CHD7: variants seen among roughly 807,000 people sequenced by gnomAD.
The protein encoded by CHD7 is chromodomain helicase DNA binding protein 7, also known as ATP-dependent chromatin remodeler CHD7.
Under a neutral mutation model 307.3 loss-of-function variants are expected in CHD7, and 24 were observed. The ratio of observed to expected loss-of-function variants is 0.08; its 90% CI spans 0.06 to 0.11. The LOEUF (loss-of-function observed/expected upper bound fraction) is 0.11. CHD7 is among the 10% of genes least tolerant of loss of function. The probability of loss-of-function intolerance (pLI) is 1.00; values close to 1 mark genes in which losing one functional copy is unlikely to be tolerated. For synonymous variants in CHD7, 1,363 were observed against 1,349.9 expected (o/e 1.01, Z -0.21); for missense variants, 3,106 against 3,727.1 (o/e 0.83, Z 4.34).
At position 60,678,773 on chromosome 8, in the gene CHD7, GGCGGCGGCGGCGGCGGCA is replaced by G. The variant is rs1437617957; in HGVS notation, c.-466_-449del. 8.8e-4 allele frequency: 126 copies of G among 142,612 alleles called. 1 individual carries two copies. The highest frequency in any genetic ancestry group is 3.1e-3 in the South Asian group (16 of 5,244). 8.8% of individuals were successfully genotyped at this position (142,612 alleles called of 1,614,324 possible). ...GCTGGCGTGCTGGGGCCGCGGCGGC[GGCGGCGGCGGCGGCGGCA>G]GCGGCGGCGGCGGCGGCGGCGCGGG... On this transcript the variant is annotated 5_prime_UTR_variant, in exon 1 of 38. Transcript: ENST00000423902.
At position 60,741,834 on chromosome 8, in the gene CHD7, T is replaced by C; in HGVS notation, c.402T>C (p.His134=). Residue 134 remains histidine (H), a synonymous_variant, in exon 2 of 38, where the codon CAT becomes CAC. Coordinates refer to ENST00000423902, the MANE Select transcript of CHD7 (RefSeq NM_017780.4). The stretch of plus-strand genomic sequence containing the variant: ...ACCCTGGCATGCAGAATGAGAGGCA[T>C]GGGCAATCCTTTGTGGACAGCAGCT... ...GVYPGMQNER[H]GQSFVDSSSM... is the part of the protein sequence containing the mutation. The C allele has an allele frequency of 6.2e-7, 1 of 1,613,904 alleles. No individual in the cohort carries two copies. Among genetic ancestry groups the C allele is most frequent in the Non-Finnish European group, 8.5e-7 (1 of 1,179,852 alleles).
rs533287285 is a variant in CHD7, at chr8:60,780,832, A to AT, written c.1666-160dup. 2.2e-3 allele frequency among the ~76,000 whole-genome samples: 334 copies of AT among 152,132 alleles called. 1 individual carries two copies. The highest frequency in any genetic ancestry group is 0.015 in the Admixed American group (235 of 15,294). On this transcript the variant is annotated intron_variant, in intron 2 of 37. Coordinates refer to ENST00000423902, the MANE Select transcript of CHD7 (RefSeq NM_017780.4). ...TTAAAAGATTCTCTCTTAAACATAC[A>AT]TTTTTTTTGGATGAGAGAAGCTGAT...
chr8:60,734,519 G>T (rs1005272228), intron 1 of CHD7, among the ~76,000 whole-genome samples: 1 of 152,172 alleles, frequency 6.6e-6, no homozygotes, highest in African/African-American at 2.4e-5. Context: ...GAAGAGGGAG[G>T]GTTGAGGGTC....
rs1160854773 is a variant in CHD7, at chr8:60,678,984, A to G, written c.-273A>G. Reference sequence around the variant, plus strand: ...CCCCCGGCCAACTCCGTGCCCGTGGATTCAGCCCCCTGGCCGCAGCTGCCG... The same window carrying G: ...CCCCCGGCCAACTCCGTGCCCGTGGGTTCAGCCCCCTGGCCGCAGCTGCCG... On this transcript the variant is annotated 5_prime_UTR_variant, in exon 1 of 38. Coordinates refer to ENST00000423902, the MANE Select transcript of CHD7 (RefSeq NM_017780.4). 6.6e-6 allele frequency: 1 copy of G among 151,512 alleles called. No individual in the cohort carries two copies. Among genetic ancestry groups the G allele is most frequent in the Non-Finnish European group, 1.5e-5 (1 of 67,966 alleles). 9.4% of individuals were successfully genotyped at this position (151,512 alleles called of 1,614,324 possible).
At position 60,865,702 on chromosome 8, in the gene CHD7, C is replaced by G. The variant is rs1264986011; in HGVS notation, c.8763C>G (p.Phe2921Leu). The G allele has an allele frequency of 1.2e-6, 2 of 1,606,644 alleles. No individual in the cohort carries two copies. The highest frequency in any genetic ancestry group is 1.7e-6 in the Non-Finnish European group (2 of 1,175,048). The stretch of plus-strand genomic sequence containing the variant: ...TGGGGGGATTGACGCTGCCTGGGTT[C>G]CCAGCATTGGCAGGACTTCAGAATG... ...PGLGGLTLPG[F>L]PALAGLQNAV... is the part of the protein sequence containing the mutation. The change falls in exon 38 of 38, where the codon TTC becomes TTG. Residue 2921 changes from phenylalanine to leucine, a missense_variant. Physicochemically the swap from Phe to Leu is conservative, Grantham distance 22. Around this residue, in one of 10 missense-constraint regions of CHD7, gnomAD observed 351 missense variants for 366.2 expected, o/e 0.96. Coordinates refer to ENST00000423902, the MANE Select transcript of CHD7 (RefSeq NM_017780.4). The surrounding 1 kb of genome is among the most constrained non-coding windows in gnomAD (Gnocchi z 4.3).
chr8:60,680,424 G>T (rs1805556326), intron 1 of CHD7, among the ~76,000 whole-genome samples: 1 of 132,278 alleles, frequency 7.6e-6, no homozygotes, highest in African/African-American at 2.8e-5. Flanking sequence ...GGGCGGCGGC[G>T]GCGGCGGCTC....
At chr8:60,714,012 C>A (rs892315859) in intron 1 of CHD7, among the ~76,000 whole-genome samples, 1 of 152,064 alleles carries the variant, frequency 6.6e-6, no homozygotes, top group Non-Finnish European at 1.5e-5. Context: ...AGAAAAAAGG[C>A]ATGCCTTCAT....
chr8:60,834,759 A>G (rs1804667747), intron 15 of CHD7, among the ~76,000 whole-genome samples: 1 of 152,254 alleles, frequency 6.6e-6, no homozygotes, highest in South Asian at 2.1e-4. Flanking sequence ...TTAATAATTA[A>G]TAGGCTGTAT....
chr8:60,852,903 C>A lies in CHD7; in HGVS notation c.6178C>A (p.Leu2060Met). Reference sequence around the variant, plus strand: ...CTCTCGAACTCTGTACCGCATTGAGCTGCTACGGAAGATCCGCGAGCAGGT... The same window carrying A: ...CTCTCGAACTCTGTACCGCATTGAGATGCTACGGAAGATCCGCGAGCAGGT... ...RASRTLYRIELLRKIREQVLH... is the reference protein window; with the variant it reads ...RASRTLYRIEMLRKIREQVLH... The change falls in exon 31 of 38, where the codon CTG becomes ATG. Residue 2060 changes from leucine to methionine, a missense_variant. By Grantham distance (15) the Leu-to-Met change is conservative. This residue lies in a region of CHD7 where 1,030 missense variants were observed against 1,165.4 expected (regional missense o/e 0.88). Transcript: ENST00000423902. 6.2e-7 allele frequency: 1 copy of A among 1,613,980 alleles called. No individual in the cohort carries two copies. Among genetic ancestry groups the A allele is most frequent in the Non-Finnish European group, 8.5e-7 (1 of 1,179,900 alleles).
chr8:60,686,655 C>T (rs955219506), intron 1 of CHD7, among the ~76,000 whole-genome samples: 2 of 152,138 alleles, frequency 1.3e-5, no homozygotes, highest in Non-Finnish European at 2.9e-5. Context: ...GCAGGGACCG[C>T]GTGCGACCTG....
At position 60,838,795 on chromosome 8, in the gene CHD7, C is replaced by T. The variant is rs1804847743; in HGVS notation, c.4533+540C>T. On this transcript the variant is annotated intron_variant, in intron 19 of 37. Transcript: ENST00000423902. ...GTTCCCTGCCTCTCTATCAGAGCTGCTCTGGCCAGGGTCACCACTGAGTAC... is the reference window on the plus strand; with the variant it reads ...GTTCCCTGCCTCTCTATCAGAGCTGTTCTGGCCAGGGTCACCACTGAGTAC... Among the ~76,000 whole-genome samples, 3 of 152,372 alleles carry T rather than the reference C, an allele frequency of 2.0e-5. No homozygotes were observed. In the South Asian group the frequency reaches 6.2e-4, roughly 32 times the overall value.
rs773098389 is a variant in CHD7, at chr8:60,742,179, G to A, written c.747G>A (p.Leu249=). The A allele has an allele frequency of 1.2e-6, 2 of 1,613,882 alleles. No individual in the cohort carries two copies. Among genetic ancestry groups the A allele is most frequent in the Admixed American group, 3.3e-5 (2 of 60,024 alleles). ...PQQSPSMAPS[L]RHSVQQFHHH... ...AGAGTCCCAGCATGGCACCTTCCTT[G>A]CGTCACTCGGTGCAGCAGTTCCATC... is the stretch of plus-strand genomic sequence containing the variant. The change falls in exon 2 of 38, where the codon TTG becomes TTA. Residue 249 remains leucine, a synonymous_variant. Coordinates refer to ENST00000423902, the MANE Select transcript of CHD7 (RefSeq NM_017780.4).
rs778764485 is a variant in CHD7 at position 60,842,044 on chromosome 8, T to C, written c.4842T>C (p.Leu1614=). ...SECFRVEKNL[L]VYGWGRWTDI... is the part of the protein sequence containing the mutation. The stretch of plus-strand genomic sequence containing the variant: ...GTTTCAGGGTGGAGAAGAATCTGCT[T>C]GTCTATGGGTAAGTAGGACTCACTA... The change falls in exon 21 of 38, where the codon CTT becomes CTC. Residue 1614 remains leucine (L), a synonymous_variant. Coordinates refer to ENST00000423902, the MANE Select transcript of CHD7 (RefSeq NM_017780.4). 1 of 1,612,586 alleles carries C rather than the reference T, an allele frequency of 6.2e-7. No individual in the cohort carries two copies. Among genetic ancestry groups the C allele is most frequent in the East Asian group, 2.2e-5 (1 of 44,862 alleles).
chr8:60,762,148 A>G (rs1414721137), intron 2 of CHD7, among the ~76,000 whole-genome samples: 1 of 152,136 alleles, frequency 6.6e-6, no homozygotes, highest in Non-Finnish European at 1.5e-5. Flanking sequence ...AGGTCCTCTC[A>G]GTAAAGTCCT....
At chr8:60,746,044 A>G (rs886249116) in intron 2 of CHD7, among the ~76,000 whole-genome samples, 1 of 151,942 alleles carries the variant, frequency 6.6e-6, no homozygotes, top group Non-Finnish European at 1.5e-5. Context: ...TTATTTATTT[A>G]TTATTTTTTG....
At chr8:60,733,779 T>G (rs1404489202) in intron 1 of CHD7, among the ~76,000 whole-genome samples, 1 of 134,384 alleles carries the variant, frequency 7.4e-6, no homozygotes. Flanking sequence ...AAAGAACAGC[T>G]TTTTTTTTTT....
At position 60,686,967 on chromosome 8, in the gene CHD7, GA is replaced by G. The variant is rs372714154; in HGVS notation, c.-175+7886del. On this transcript the variant is annotated intron_variant, in intron 1 of 37. Coordinates refer to ENST00000423902, the MANE Select transcript of CHD7 (RefSeq NM_017780.4). ...CATTTTTGTTTTGTTTCGTTTTCGA[GA>G]TGGGGTCTCACAATACTGTCCAGGC... 1.4e-4 allele frequency among the ~76,000 whole-genome samples: 21 copies of G among 152,252 alleles called. No homozygotes were observed. In the South Asian group the frequency reaches 4.4e-3, roughly 32 times the overall value.
At chr8:60,832,959 T>G (rs1300105842) in intron 15 of CHD7, among the ~76,000 whole-genome samples, 5 of 152,220 alleles carry the variant, frequency 3.3e-5, no homozygotes, top group African/African-American at 1.2e-4. Context: ...CAGGTGTCTT[T>G]GTCCCTAAAT....
chr8:60,836,146 A>C lies in CHD7; in HGVS notation c.3852A>C (p.Ala1284=), dbSNP rs1159423857. Residue 1284 remains alanine, a synonymous_variant, in exon 16 of 38, where the codon GCA becomes GCC. Coordinates refer to ENST00000423902, the MANE Select transcript of CHD7 (RefSeq NM_017780.4). ...NAESPDFQLQ[A]MIQAAGKLVL... The stretch of plus-strand genomic sequence containing the variant: ...AGTCTCCAGATTTTCAGCTCCAGGC[A>C]ATGATCCAGGCTGCTGGCAAGCTAG... The C allele has an allele frequency of 6.2e-7, 1 of 1,613,634 alleles. No homozygotes were observed. Among genetic ancestry groups the C allele is most frequent in the African/African-American group, 1.3e-5 (1 of 74,942 alleles).
Sources: gnomAD v4.1 joint callset for allele counts (sites outside exome capture counted in the v4.1 genomes callset) on GRCh38, gnomAD v4.1.1 for gene constraint, gnomAD v4.1.1 regional missense constraint, Gnocchi (gnomAD v3.1) non-coding constraint, MANE v1.5 for transcripts, NCBI Gene and HGNC (gene_info 2026-07-23, HGNC 2026-07-21) for gene names.